KEAP1: variants seen among roughly 807,000 people sequenced by gnomAD.
The protein encoded by KEAP1 is kelch-like ECH-associated protein 1.
In KEAP1, 26 loss-of-function variants were observed where a neutral mutation model predicts 59.7. That is an observed-to-expected ratio of 0.44 (90% CI 0.32 to 0.60). The LOEUF (loss-of-function observed/expected upper bound fraction) is 0.60. KEAP1 is among the 20% of genes least tolerant of loss of function. KEAP1 has a pLI of 0.06. For missense variants in KEAP1, 539 were observed against 871.4 expected, an observed-to-expected ratio of 0.62 and a Z score of 4.80; for synonymous variants, 350 against 358.3, an observed-to-expected ratio of 0.98 and a Z score of 0.26.
rs776172958 is a variant in KEAP1 at position 10,491,579 on chromosome 19, C to T, written c.1323G>A (p.Glu441=). 13 of 1,534,462 alleles carry T rather than the reference C, an allele frequency of 8.5e-6. No individual in the cohort carries two copies. The highest frequency in any genetic ancestry group is 8.4e-5 in the Admixed American group (4 of 47,388). Residue 441 remains glutamate, a splice_region_variant and synonymous_variant, in exon 3 of 6, where the codon GAG becomes GAA. Transcript: ENST00000171111. This position sits in a 1 kb window ranked among gnomAD's most constrained non-coding sequence, Gnocchi z 5.2. ...SHGCIHHNSV[E]RYEPERDEWH... ...CACCCCCAGGCCCTGCCACTCACCT[C>T]TCCACACTGTTGTGGTGGATGCAGC...
rs775608603 is a variant in KEAP1, at chr19:10,499,429, C to A, written c.605G>T (p.Arg202Leu). The A allele has an allele frequency of 6.2e-7, 1 of 1,612,892 alleles. No individual in the cohort carries two copies. Among genetic ancestry groups the A allele is most frequent in the East Asian group, 2.2e-5 (1 of 44,860 alleles). Residue 202 changes from arginine to leucine, a missense_variant, in exon 2 of 6, where the codon CGT becomes CTT. Physicochemically the swap from Arg to Leu is moderately radical, Grantham distance 102. This residue lies in a region of KEAP1 where 166 missense variants were observed against 295.8 expected (regional missense o/e 0.56). Transcript: ENST00000171111. This position sits in a 1 kb window ranked among gnomAD's most constrained non-coding sequence, Gnocchi z 6.7. ...EQIGCVELHQ[R>L]AREYIYMHFG... Reference sequence around the variant, plus strand: ...ATGCATGTAGATGTACTCCCGGGCACGCTGGTGCAACTCCACACAGCCAAT... The same window carrying A: ...ATGCATGTAGATGTACTCCCGGGCAAGCTGGTGCAACTCCACACAGCCAAT...
chr19:10,495,067 T>TGCCTCA (rs1038235589), intron 2 of KEAP1, among the ~76,000 whole-genome samples: 2 of 151,998 alleles, frequency 1.3e-5, no homozygotes, highest in Admixed American at 6.6e-5. Context: ...ATGATTCTTC[T>TGCCTCA]GCCTCAGCCT....
intron 4 of KEAP1, 89 bp downstream of exon 4, chr19:10,489,559 C>T (rs1914596177): frequency 2.1e-6 from 3 of 1,462,572 alleles, no homozygotes; most frequent in Admixed American, 1.8e-5. Flanking sequence ...AGGGTTGCAA[C>T]AGGGGGTCTC....
chr19:10,491,950 G>A lies in KEAP1; in HGVS notation c.952C>T (p.Pro318Ser), dbSNP rs2144601229. 1 of 1,613,826 alleles carries A rather than the reference G, an allele frequency of 6.2e-7. No individual in the cohort carries two copies. Among genetic ancestry groups the A allele is most frequent in the Non-Finnish European group, 8.5e-7 (1 of 1,179,916 alleles). ...LTLHKPTQVM[P>S]CRAPKVGRLI... is the part of the protein sequence containing the mutation. ...CGGCCCACCTTGGGCGCCCGGCAGG[G>A]CATCACCTGCGTGGGCTTGTGCAGG... Residue 318 changes from proline to serine, a missense_variant, in exon 3 of 6, where the codon CCC (proline) becomes TCC (serine). Pro to Ser is a moderately conservative substitution (Grantham distance 74, BLOSUM62 -1). This residue lies in a region of KEAP1 where 61 missense variants were observed against 129.9 expected (regional missense o/e 0.47). Transcript: ENST00000171111. The surrounding 1 kb of genome is among the most constrained non-coding windows in gnomAD (Gnocchi z 5.2).
Position 10,499,723 on chromosome 19 carries a change from C to T in KEAP1, c.311G>A (p.Ser104Asn), listed in dbSNP as rs2144627987. The change falls in exon 2 of 6, where the codon AGC becomes AAC. Residue 104 changes from serine to asparagine, a missense_variant. Physicochemically the swap from Ser to Asn is conservative, Grantham distance 46 (BLOSUM62 1). Coordinates refer to ENST00000171111, the MANE Select transcript of KEAP1 (RefSeq NM_203500.2). The surrounding 1 kb of genome is among the most constrained non-coding windows in gnomAD (Gnocchi z 6.7). Reference sequence around the variant, plus strand: ...GGTGAACATGGCCTTGAAGACAGGGCTGGATGAGGCCAGCACCACCTTGTG... The same window carrying T: ...GGTGAACATGGCCTTGAAGACAGGGTTGGATGAGGCCAGCACCACCTTGTG... ...MAHKVVLASS[S>N]PVFKAMFTNG... The T allele has an allele frequency of 6.2e-7, 1 of 1,614,178 alleles. No homozygotes were observed. Among genetic ancestry groups the T allele is most frequent in the Non-Finnish European group, 8.5e-7 (1 of 1,180,050 alleles).
chr19:10,488,352 C>A (rs998425415), intron 5 of KEAP1, among the ~76,000 whole-genome samples: 10 of 151,952 alleles, frequency 6.6e-5, no homozygotes, highest in Non-Finnish European at 1.3e-4. Context: ...GTGGCTCACA[C>A]CTGTAATCCC....
At position 10,489,766 on chromosome 19, in the gene KEAP1, G is replaced by T; in HGVS notation, c.1413C>A (p.Leu471=). Residue 471 remains leucine, a synonymous_variant, in exon 4 of 6, where the codon CTC becomes CTA. Transcript: ENST00000171111. ...CGTCAAAGCCCCCCACGGCATAAAG[G>T]AGACGATTGAGGACAGCCACGCCCA... The part of the protein sequence containing the change: ...IGVGVAVLNR[L]LYAVGGFDGT... 3 of 1,613,668 alleles carry T rather than the reference G, an allele frequency of 1.9e-6. No individual in the cohort carries two copies. The highest frequency in any genetic ancestry group is 2.5e-6 in the Non-Finnish European group (3 of 1,179,910).
rs754155590 is a variant in KEAP1 at position 10,489,635 on chromosome 19, C to T, written c.1531+13G>A. The T allele has an allele frequency of 2.5e-5, 41 of 1,612,974 alleles. No homozygotes were observed. Among genetic ancestry groups the T allele is most frequent in the Non-Finnish European group, 3.2e-5 (38 of 1,179,758 alleles). ...TGTTCCTGGGTGCTCCCCTCCCTAC[C>T]GTCCCCACCCACCTGCCCCGCTTCG... On this transcript the variant is annotated intron_variant, in intron 4 of 5. Coordinates refer to ENST00000171111, the MANE Select transcript of KEAP1 (RefSeq NM_203500.2).
At chr19:10,493,322 C>A (rs55897168) in intron 2 of KEAP1, among the ~76,000 whole-genome samples, 2,094 of 151,814 alleles carry the variant, frequency 0.014, 55 homozygotes, top group African/African-American at 0.047. Context: ...CCACGCCCAG[C>A]TAAGTTTTTT....
At position 10,486,286 on chromosome 19, in the gene KEAP1, C is replaced by T. The variant is rs564026852; in HGVS notation, c.*366G>A. 4 of 253,872 alleles carry T rather than the reference C, an allele frequency of 1.6e-5. No individual in the cohort carries two copies. In the East Asian group the frequency reaches 2.3e-4, roughly 15 times the overall value. The allele number at this position is 253,872 out of a possible 1,614,324, so 15.7% of individuals were successfully genotyped here. On this transcript the variant is annotated 3_prime_UTR_variant, in exon 6 of 6. Transcript: ENST00000171111. Reference sequence around the variant, plus strand: ...TTCCAGAGGGGGCCTCCCCCTGAGGCCCCCATTGGCCCCCTCCCAGGTATC... The same window carrying T: ...TTCCAGAGGGGGCCTCCCCCTGAGGTCCCCATTGGCCCCCTCCCAGGTATC...
Position 10,499,487 on chromosome 19 carries a change from T to C in KEAP1, c.547A>G (p.Asn183Asp), listed in dbSNP as rs2144625141. Residue 183 changes from asparagine to aspartate, a missense_variant, in exon 2 of 6, where the codon AAT (asparagine) becomes GAT (aspartate). Physicochemically the swap from Asn to Asp is conservative, Grantham distance 23 (BLOSUM62 1). Around this residue, in one of 4 missense-constraint regions of KEAP1, gnomAD observed 166 missense variants for 295.8 expected, o/e 0.56. Transcript: ENST00000171111. The surrounding 1 kb of genome is among the most constrained non-coding windows in gnomAD (Gnocchi z 6.7). ...DFLVQQLDPS[N>D]AIGIANFAEQ... ...GCGAAGTTGGCGATGCCGATGGCATTGCTGGGGTCCAGCTGCTGCACCAGG... is the reference window on the plus strand; with the variant it reads ...GCGAAGTTGGCGATGCCGATGGCATCGCTGGGGTCCAGCTGCTGCACCAGG... 6.2e-7 allele frequency: 1 copy of C among 1,614,178 alleles called. No homozygotes were observed. The highest frequency in any genetic ancestry group is 8.5e-7 in the Non-Finnish European group (1 of 1,180,038).
chr19:10,488,973 T>TG (rs1231963727), intron 5 of KEAP1, among the ~76,000 whole-genome samples: 2 of 151,278 alleles, frequency 1.3e-5, no homozygotes, highest in Non-Finnish European at 2.9e-5. Context: ...TGCGCGCCTG[T>TG]GGTCCCTGCT....
chr19:10,498,088 C>T (rs1047887533), intron 2 of KEAP1, among the ~76,000 whole-genome samples: 2 of 151,642 alleles, frequency 1.3e-5, no homozygotes, highest in African/African-American at 2.4e-5. Flanking sequence ...TTAATAGAGA[C>T]GTGGTTTCTC....
rs1389853223 is a variant in KEAP1 at position 10,486,697 on chromosome 19, C to A, written c.1830G>T (p.Met610Ile). The A allele has an allele frequency of 3.1e-6, 5 of 1,613,978 alleles. No individual in the cohort carries two copies. The highest frequency in any genetic ancestry group is 4.2e-6 in the Non-Finnish European group (5 of 1,180,028). Residue 610 changes from methionine (M) to isoleucine (I), a missense_variant, in exon 6 of 6, where the codon ATG becomes ATT. Physicochemically the swap from Met to Ile is conservative, Grantham distance 10. Coordinates refer to ENST00000171111, the MANE Select transcript of KEAP1 (RefSeq NM_203500.2). ...GGTCAATCTGCTTCCGGCAGGGCTC[C>A]ATGGTGACAGCCACGCCCACCCCAC... ...GRSGVGVAVTMEPCRKQIDQQ... is the reference protein window; with the variant it reads ...GRSGVGVAVTIEPCRKQIDQQ...
chr19:10,488,123 C>T (rs545973404), intron 5 of KEAP1, among the ~76,000 whole-genome samples: 7 of 147,300 alleles, frequency 4.8e-5, no homozygotes, highest in African/African-American at 7.5e-5. Flanking sequence ...AGTGAAACTC[C>T]ATCTCAAAAA....
rs2144632159 is a variant in KEAP1 at position 10,500,077 on chromosome 19, G to A, written c.-44C>T. 6.6e-7 allele frequency: 1 copy of A among 1,514,328 alleles called. No homozygotes were observed. The highest frequency in any genetic ancestry group is 8.8e-7 in the Non-Finnish European group (1 of 1,132,276). 93.8% of individuals were successfully genotyped at this position (1,514,328 alleles called of 1,614,324 possible). On this transcript the variant is annotated 5_prime_UTR_variant, in exon 2 of 6. Coordinates refer to ENST00000171111, the MANE Select transcript of KEAP1 (RefSeq NM_203500.2). The stretch of plus-strand genomic sequence containing the variant: ...CAACACCACCACCTCTGGCACTCAG[G>A]GACCTGGAGGGGAGAGAGCACAGGG...
chr19:10,496,917 G>A (rs920258088), intron 2 of KEAP1, among the ~76,000 whole-genome samples: 11 of 147,728 alleles, frequency 7.4e-5, no homozygotes, highest in Non-Finnish European at 1.5e-4. Context: ...TCAGGGGTTC[G>A]AGACCAGCCT....
At chr19:10,489,118 A>G (rs2144585318) in intron 5 of KEAP1, 74 bp downstream of exon 5, 9 of 1,086,854 alleles carry the variant, frequency 8.3e-6, no homozygotes, top group African/African-American at 8.2e-5. Flanking sequence ...AAAAAAAAAA[A>G]AAGGAAAGCA....
At chr19:10,487,908 C>A (rs1914522724) in intron 5 of KEAP1, among the ~76,000 whole-genome samples, 1 of 152,090 alleles carries the variant, frequency 6.6e-6, no homozygotes. Flanking sequence ...GCGGGCAGAT[C>A]ACCTGAGGTC....
Sources: allele counts gnomAD v4.1 joint callset (sites outside exome capture counted in the v4.1 genomes callset), GRCh38; gene constraint gnomAD v4.1.1; regional missense constraint gnomAD v4.1.1; non-coding constraint Gnocchi (gnomAD v3.1); transcripts MANE v1.5; gene names NCBI Gene and HGNC (gene_info 2026-07-23, HGNC 2026-07-21).